The following LSAMP variants were observed in gnomAD, a reference collection of about 807,000 sequenced individuals.
The protein encoded by LSAMP is limbic system associated membrane protein.
LSAMP carries 7 observed loss-of-function variants against 38.6 expected under a neutral mutation model. That is an observed-to-expected ratio of 0.18 (90% confidence interval 0.10 to 0.34). The LOEUF is 0.34. Among genes scored for constraint, LSAMP ranks in the 10% least tolerant of loss-of-function variants. The probability of loss-of-function intolerance (pLI) is 1.00; values close to 1 mark genes in which losing one functional copy is unlikely to be tolerated. For synonymous variants in LSAMP, 154 were observed against 166.8 expected (o/e 0.92, Z 0.59); for missense variants, 313 against 420.0 (o/e 0.75, Z 2.23).
chr3:116,348,674 C>T (rs919059893), intron 1 of LSAMP, among the ~76,000 whole-genome samples: 1 of 152,116 alleles, frequency 6.6e-6, no homozygotes, highest in Non-Finnish European at 1.5e-5. Context: ...TAATTCCCAA[C>T]CACAGAATTA....
chr3:116,150,605 A>G (rs1291457035), intron 1 of LSAMP, among the ~76,000 whole-genome samples: 1 of 151,942 alleles, frequency 6.6e-6, no homozygotes, highest in Non-Finnish European at 1.5e-5. Flanking sequence ...AAGGAGTTGA[A>G]GTCTGAATGG....
chr3:116,397,755 G>A (rs191621325), intron 1 of LSAMP, among the ~76,000 whole-genome samples: 1 of 152,186 alleles, frequency 6.6e-6, no homozygotes, highest in South Asian at 2.1e-4. Flanking sequence ...TCAGAGGAAG[G>A]CACCACTCAG....
chr3:115,841,883 T>A lies in LSAMP; in HGVS notation c.881A>T (p.Asn294Ile). The A allele has an allele frequency of 6.2e-7, 1 of 1,613,938 alleles. No homozygotes were observed. The highest frequency in any genetic ancestry group is 8.5e-7 in the Non-Finnish European group (1 of 1,179,952). ...GCTGGCATTGGTGACCCCCAGCTTG[T>A]TGGCAGCCACACAGGTGTAGTTGCC... is the stretch of plus-strand genomic sequence containing the variant. ...HYGNYTCVAA[N>I]KLGVTNASLV... The change falls in exon 6 of 7, where the codon AAC becomes ATC. Residue 294 changes from asparagine to isoleucine, a missense_variant. Coordinates refer to ENST00000490035, the MANE Select transcript of LSAMP (RefSeq NM_002338.5).
chr3:116,239,077 T>C (rs2046499459), intron 1 of LSAMP, among the ~76,000 whole-genome samples: 1 of 152,182 alleles, frequency 6.6e-6, no homozygotes, highest in Admixed American at 6.5e-5. Flanking sequence ...GTAGTAGACA[T>C]GCATTTGTGT....
At chr3:115,941,546 T>C (rs756354514) in intron 3 of LSAMP, among the ~76,000 whole-genome samples, 23 of 151,990 alleles carry the variant, frequency 1.5e-4, no homozygotes, top group Non-Finnish European at 2.6e-4. Context: ...GATAAATGTA[T>C]TTAAAAATTG....
chr3:115,960,719 A>G (rs1938597675), intron 3 of LSAMP, among the ~76,000 whole-genome samples: 1 of 152,200 alleles, frequency 6.6e-6, no homozygotes, highest in South Asian at 2.1e-4. Flanking sequence ...AGAAGGACTT[A>G]AAGAGTTATC....
chr3:116,189,713 C>T (rs967834767), intron 1 of LSAMP, among the ~76,000 whole-genome samples: 2 of 152,070 alleles, frequency 1.3e-5, no homozygotes, highest in African/African-American at 2.4e-5. Flanking sequence ...CATGATCCCC[C>T]TTTTTAATAA....
intron 1 of LSAMP, among the ~76,000 whole-genome samples, chr3:116,397,120 C>G (rs562626699): frequency 2.6e-5 from 4 of 152,144 alleles, no homozygotes; most frequent in African/African-American, 4.8e-5. Context: ...CTTATGGCTT[C>G]CCATTTCAGA....
chr3:116,170,465 T>TA (rs1710169687), intron 1 of LSAMP, among the ~76,000 whole-genome samples: 1 of 152,284 alleles, frequency 6.6e-6, no homozygotes, highest in Non-Finnish European at 1.5e-5. Flanking sequence ...AGGCACTGGA[T>TA]AAAAAAGTTA....
intron 3 of LSAMP, among the ~76,000 whole-genome samples, chr3:116,006,139 G>A (rs1445941855): frequency 1.3e-5 from 2 of 152,148 alleles, no homozygotes; most frequent in Non-Finnish European, 2.9e-5. Context: ...GATGCCCAAT[G>A]TGATGGTATT....
At chr3:115,823,822 T>C (rs764103562) in intron 6 of LSAMP, among the ~76,000 whole-genome samples, 22 of 152,250 alleles carry the variant, frequency 1.4e-4, no homozygotes, top group Middle Eastern at 3.4e-3. Flanking sequence ...CAAAGCAACA[T>C]GGTCTTAACA....
intron 1 of LSAMP, among the ~76,000 whole-genome samples, chr3:116,142,277 A>G (rs1709387342): frequency 6.6e-6 from 1 of 152,040 alleles, no homozygotes; most frequent in Non-Finnish European, 1.5e-5. Flanking sequence ...CAAATCATAA[A>G]TTTACATGGG....
In LSAMP at chr3:115,842,138, T is replaced by C. The variant is rs1935017325; in HGVS notation, c.771-145A>G. Reference sequence around the variant, plus strand: ...TTCCATGCCCAATTCCTATTTTAACTGTGCAATGCCATATTATCAGAATCA... The same window carrying C: ...TTCCATGCCCAATTCCTATTTTAACCGTGCAATGCCATATTATCAGAATCA... On this transcript the variant is annotated intron_variant, in intron 5 of 6. Transcript: ENST00000490035. 6.1e-6 allele frequency: 5 copies of C among 817,024 alleles called. No homozygotes were observed. In the South Asian group the frequency reaches 9.2e-5, roughly 15 times the overall value. 50.6% of individuals were successfully genotyped at this position (817,024 alleles called of 1,614,324 possible). A position where few individuals can be genotyped will look rare whatever the true frequency, so the allele number is the denominator to read the frequency against.
At chr3:116,249,094 G>A (rs796989640) in intron 1 of LSAMP, among the ~76,000 whole-genome samples, 2 of 149,306 alleles carry the variant, frequency 1.3e-5, no homozygotes, top group Admixed American at 6.7e-5. Context: ...GCTTGCAGTG[G>A]GCCAAGATCG....
chr3:116,130,333 A>T (rs191956090), intron 1 of LSAMP, among the ~76,000 whole-genome samples: 1 of 152,374 alleles, frequency 6.6e-6, no homozygotes, highest in Admixed American at 6.5e-5. Flanking sequence ...AAAGACAAAG[A>T]TTATAAACAT....
chr3:115,991,184 G>A (rs1337473537), intron 3 of LSAMP, among the ~76,000 whole-genome samples: 1 of 152,014 alleles, frequency 6.6e-6, no homozygotes, highest in Admixed American at 6.6e-5. Flanking sequence ...TTTTTCATCT[G>A]CATAGCATGA....
intron 2 of LSAMP, among the ~76,000 whole-genome samples, chr3:116,043,206 C>T (rs1440009998): frequency 6.6e-6 from 1 of 152,128 alleles, no homozygotes; most frequent in African/African-American, 2.4e-5. Flanking sequence ...TTAAACACTC[C>T]TCTCTGGTTA....
intron 1 of LSAMP, among the ~76,000 whole-genome samples, chr3:116,170,709 G>T (rs749886666): frequency 2.0e-5 from 3 of 152,176 alleles, no homozygotes; most frequent in Non-Finnish European, 4.4e-5. Flanking sequence ...GAGAAGCAGT[G>T]AAATTAGCAT....
chr3:115,896,781 A>T (rs1426749825), intron 3 of LSAMP, among the ~76,000 whole-genome samples: 1 of 152,118 alleles, frequency 6.6e-6, no homozygotes, highest in East Asian at 1.9e-4. Flanking sequence ...TGTGGTCCGC[A>T]CATTGTTATC....
Sources: allele counts gnomAD v4.1 joint callset (sites outside exome capture counted in the v4.1 genomes callset), GRCh38; gene constraint gnomAD v4.1.1; transcripts MANE v1.5; gene names NCBI Gene and HGNC (gene_info 2026-07-23, HGNC 2026-07-21).